The following SEZ6L variants were observed in gnomAD, a reference collection of about 807,000 sequenced individuals.
SEZ6L encodes the protein seizure 6-like protein.
SEZ6L carries 37 observed loss-of-function variants against 106.2 expected under a neutral mutation model. The observed-to-expected ratio is 0.35, with a 90% confidence interval of 0.27 to 0.46. The LOEUF is 0.46. Among genes scored for constraint, SEZ6L ranks in the 20% least tolerant of loss-of-function variants. The pLI is 1.00. For synonymous variants in SEZ6L, 541 were observed against 570.4 expected, an observed-to-expected ratio of 0.95 and a Z score of 0.73; for missense variants, 1,172 against 1,332.8, an observed-to-expected ratio of 0.88 and a Z score of 1.88.
chr22:26,223,519 G>A (rs555767071), intron 1 of SEZ6L, among the ~76,000 whole-genome samples: 1 of 152,214 alleles, frequency 6.6e-6, no homozygotes, highest in African/African-American at 2.4e-5. Flanking sequence ...GTGGTAAGAG[G>A]TATTGCTTGG....
At chr22:26,258,438 T>C (rs917588669) in intron 1 of SEZ6L, among the ~76,000 whole-genome samples, 2 of 152,126 alleles carry the variant, frequency 1.3e-5, no homozygotes, top group African/African-American at 4.8e-5. Flanking sequence ...GAAGACAAGC[T>C]AGCAATTAAC....
intron 1 of SEZ6L, among the ~76,000 whole-genome samples, chr22:26,250,343 T>C (rs2079530570): frequency 6.6e-6 from 1 of 152,186 alleles, no homozygotes; most frequent in South Asian, 2.1e-4. Flanking sequence ...TTTTTGTATA[T>C]GATAAGAGAT....
intron 1 of SEZ6L, among the ~76,000 whole-genome samples, chr22:26,175,370 T>G (rs1333952271): frequency 6.6e-6 from 1 of 152,238 alleles, no homozygotes; most frequent in African/African-American, 2.4e-5. Flanking sequence ...CATTTCATTT[T>G]ATAGATGAGG....
intron 1 of SEZ6L, among the ~76,000 whole-genome samples, chr22:26,264,339 C>T (rs2080109780): frequency 6.6e-6 from 1 of 152,220 alleles, no homozygotes; most frequent in African/African-American, 2.4e-5. Flanking sequence ...CCGATCTTGT[C>T]ACTTTGTAGC....
At chr22:26,255,234 G>A (rs1204200971) in intron 1 of SEZ6L, among the ~76,000 whole-genome samples, 1 of 152,128 alleles carries the variant, frequency 6.6e-6, no homozygotes, top group East Asian at 1.9e-4. Context: ...GGATGTGAAG[G>A]CATCTTAAGA....
At chr22:26,206,984 T>C in intron 1 of SEZ6L, among the ~76,000 whole-genome samples, 1 of 152,244 alleles carries the variant, frequency 6.6e-6, no homozygotes, top group East Asian at 1.9e-4. Context: ...CAGTGTTTTG[T>C]GAACCTCGAC....
chr22:26,310,074 A>T (rs927485658), intron 6 of SEZ6L, among the ~76,000 whole-genome samples: 1 of 152,270 alleles, frequency 6.6e-6, no homozygotes, highest in Non-Finnish European at 1.5e-5. Flanking sequence ...AGTTAATAAT[A>T]ATAGTCAACA....
At chr22:26,266,150 T>C (rs1406327136) in intron 1 of SEZ6L, among the ~76,000 whole-genome samples, 3 of 152,146 alleles carry the variant, frequency 2.0e-5, no homozygotes, top group Admixed American at 2.0e-4. Flanking sequence ...AGCAAGAGGC[T>C]GCGGAGGCTG....
At chr22:26,223,009 C>A (rs540593242) in intron 1 of SEZ6L, among the ~76,000 whole-genome samples, 1 of 152,222 alleles carries the variant, frequency 6.6e-6, no homozygotes, top group Non-Finnish European at 1.5e-5. Context: ...AATTATCTGG[C>A]CCCAAATGTC....
At chr22:26,355,112 A>C (rs1189128124) in intron 12 of SEZ6L, among the ~76,000 whole-genome samples, 1 of 152,228 alleles carries the variant, frequency 6.6e-6, no homozygotes, top group Non-Finnish European at 1.5e-5. Flanking sequence ...TGTCGACTGA[A>C]CAAAGGGAAC....
chr22:26,350,049 A>G (rs1453788081), intron 11 of SEZ6L, among the ~76,000 whole-genome samples: 2 of 152,032 alleles, frequency 1.3e-5, no homozygotes, highest in African/African-American at 4.8e-5. Context: ...ATTCCATGAT[A>G]TTTAACTCTT....
At chr22:26,309,985 G>A (rs1384462788) in intron 6 of SEZ6L, among the ~76,000 whole-genome samples, 1 of 152,200 alleles carries the variant, frequency 6.6e-6, no homozygotes, top group Non-Finnish European at 1.5e-5. Context: ...GACAGAGTCA[G>A]GACTCACACC....
chr22:26,234,901 TA>T (rs1282376479), intron 1 of SEZ6L, among the ~76,000 whole-genome samples: 2 of 152,318 alleles, frequency 1.3e-5, no homozygotes, highest in Admixed American at 6.5e-5. Flanking sequence ...ATATTTAAGC[TA>T]AGTCTTGACA....
At chr22:26,287,828 G>T (rs1360189006) in intron 1 of SEZ6L, among the ~76,000 whole-genome samples, 2 of 152,204 alleles carry the variant, frequency 1.3e-5, no homozygotes, top group Non-Finnish European at 2.9e-5. Context: ...GAGCCAGCTG[G>T]CAAGATCCAA....
intron 12 of SEZ6L, among the ~76,000 whole-genome samples, chr22:26,360,457 C>T (rs1420041858): frequency 6.6e-6 from 1 of 152,126 alleles, no homozygotes; most frequent in Non-Finnish European, 1.5e-5. Context: ...GTATGCCCGG[C>T]GCATACAATG....
chr22:26,367,057 A>G (rs1228438648), intron 13 of SEZ6L, among the ~76,000 whole-genome samples: 1 of 152,166 alleles, frequency 6.6e-6, no homozygotes, highest in Non-Finnish European at 1.5e-5. Flanking sequence ...ATACATACAT[A>G]GCTCCTGTCC....
chr22:26,295,432 G>GT (rs1179360089), intron 3 of SEZ6L, among the ~76,000 whole-genome samples: 5 of 152,166 alleles, frequency 3.3e-5, no homozygotes, highest in Non-Finnish European at 7.3e-5. Context: ...CCTTAGGAAG[G>GT]TTTTTTGTTT....
chr22:26,269,393 G>T (rs1175445041), intron 1 of SEZ6L, among the ~76,000 whole-genome samples: 1 of 152,184 alleles, frequency 6.6e-6, no homozygotes, highest in East Asian at 1.9e-4. Flanking sequence ...CTCTCTGGCA[G>T]GGGGTCAGGA....
At chr22:26,247,723 A>G (rs1489939487) in intron 1 of SEZ6L, among the ~76,000 whole-genome samples, 1 of 152,178 alleles carries the variant, frequency 6.6e-6, no homozygotes, top group African/African-American at 2.4e-5. Flanking sequence ...AACCAGCTAG[A>G]TGGTGGTAAT....
Sources: gnomAD v4.1 joint callset for allele counts (sites outside exome capture counted in the v4.1 genomes callset) on GRCh38, gnomAD v4.1.1 for gene constraint, MANE v1.5 for transcripts, NCBI Gene and HGNC (gene_info 2026-07-23, HGNC 2026-07-21) for gene names.